Variants in NDUFAF7 observed in about 807,000 individuals in gnomAD.
The protein encoded by NDUFAF7 is NADH:ubiquinone oxidoreductase complex assembly factor 7, also known as protein arginine methyltransferase NDUFAF7, mitochondrial.
In NDUFAF7, 48 loss-of-function variants were observed where a neutral mutation model predicts 47.2. The ratio of observed to expected loss-of-function variants is 1.02; its 90% CI spans 0.81 to 1.29. The LOEUF (loss-of-function observed/expected upper bound fraction) is 1.29, where lower values mean the gene tolerates loss of function less well. Among genes scored for constraint, NDUFAF7 ranks in the 50% most tolerant of loss-of-function variants. The probability of loss-of-function intolerance (pLI) is 0.00; values close to 1 mark genes in which losing one functional copy is unlikely to be tolerated. For synonymous variants in NDUFAF7, 217 were observed against 190.0 expected, an observed-to-expected ratio of 1.14 and a Z score of -1.17; for missense variants, 635 against 537.6, an observed-to-expected ratio of 1.18 and a Z score of -1.79.
chr2:37,243,841 T>G, intron 6 of NDUFAF7, 22 bp from the exon 7 acceptor site: 1 of 1,606,712 alleles, frequency 6.2e-7, no homozygotes, highest in Non-Finnish European at 8.5e-7. Context: ...AAATTTGTTT[T>G]TATGTGTTAT....
At position 37,236,157 on chromosome 2, in the gene NDUFAF7, TA is replaced by T; in HGVS notation, c.280del (p.Ser94ValfsTer8). 1 of 1,611,742 alleles carries T rather than the reference TA, an allele frequency of 6.2e-7. No homozygotes were observed. Among genetic ancestry groups the T allele is most frequent in the Non-Finnish European group, 8.5e-7 (1 of 1,177,914 alleles). On this transcript the variant is annotated frameshift_variant, in exon 3 of 10. Coordinates refer to ENST00000002125, the MANE Select transcript of NDUFAF7 (RefSeq NM_144736.5). LOFTEE classifies it high-confidence loss of function. ...EKGDFITSPE[I>X]SQIFGELLGI... ...GGAGATTTCATTACTTCACCTGAAA[TA>T]AGTCAAATCTTTGGGGAGGTAATAT...
At chr2:37,253,057 C>T (rs78325471), downstream of NDUFAF7, 1,212 of 1,061,196 alleles carry the variant, frequency 1.1e-3, 11 homozygotes, top group African/African-American at 0.016. Flanking sequence ...GTCACTTATT[C>T]GTTATCATAT....
At chr2:37,258,610 T>C in the NDUFAF7 span, among the ~76,000 whole-genome samples, 2 of 152,162 alleles carry the variant, frequency 1.3e-5, no homozygotes, top group Admixed American at 1.3e-4. Context: ...ATTTTGAAGA[T>C]CAAATGAGAT....
chr2:37,265,945 T>C, the NDUFAF7 span, among the ~76,000 whole-genome samples: 2 of 152,190 alleles, frequency 1.3e-5, no homozygotes, highest in African/African-American at 4.8e-5. Flanking sequence ...AAGAAATCAA[T>C]CCATAGGAAT....
chr2:37,260,178 T>G, the NDUFAF7 span: 1 of 1,495,148 alleles, frequency 6.7e-7, no homozygotes, highest in Non-Finnish European at 9.1e-7. Context: ...AAAAAAAAAA[T>G]TAGTTTTTAA....
In NDUFAF7 at chr2:37,248,365, C is replaced by G. The variant is rs1667147657; in HGVS notation, c.*15C>G. ...CTTGGCAGTGATATTTCAGCTTGGA[C>G]ATTTTACCCTTCAGTCGGCCCAAGA... is the stretch of plus-strand genomic sequence containing the variant. On this transcript the variant is annotated 3_prime_UTR_variant, in exon 10 of 10. Transcript: ENST00000002125. 1 of 1,604,436 alleles carries G rather than the reference C, an allele frequency of 6.2e-7. No homozygotes were observed. Among genetic ancestry groups the G allele is most frequent in the Non-Finnish European group, 8.5e-7 (1 of 1,171,222 alleles).
the NDUFAF7 span, among the ~76,000 whole-genome samples, chr2:37,266,865 T>C: frequency 6.6e-6 from 1 of 152,208 alleles, no homozygotes; most frequent in African/African-American, 2.4e-5. Flanking sequence ...TATTATAAAT[T>C]ATTTATATGA....
downstream of NDUFAF7, chr2:37,257,048 A>C: frequency 9.1e-7 from 1 of 1,101,006 alleles, no homozygotes; most frequent in Non-Finnish European, 1.3e-6. Context: ...CTGATTATGA[A>C]TATTAATCAC....
rs1012233422 is a variant in NDUFAF7, at chr2:37,246,455, A to G, written c.936+260A>G. Among the ~76,000 whole-genome samples the G allele has an allele frequency of 1.6e-4, 24 of 152,194 alleles. 1 individual carries two copies. The highest frequency in any genetic ancestry group is 5.5e-4 in the African/African-American group (23 of 41,448). On this transcript the variant is annotated intron_variant, in intron 8 of 9. Transcript: ENST00000002125. ...AACCTATGTTTATATAAATCCAGAT[A>G]AGCAGCTGAATAATACAAATGGAAA...
Position 37,231,718 on chromosome 2 carries a change from C to G in NDUFAF7, c.13C>G (p.Leu5Val). ...TGCGAATTTCAGCATGAGTGTACTG[C>G]TGAGGTCAGGTTTGGGGCCGTTGTG... MSVL[L>V]RSGLGPLCAV... Residue 5 changes from leucine (L) to valine (V), a missense_variant, in exon 1 of 10, where the codon CTG becomes GTG. Coordinates refer to ENST00000002125, the MANE Select transcript of NDUFAF7 (RefSeq NM_144736.5). The G allele has an allele frequency of 6.2e-7, 1 of 1,614,108 alleles. No individual in the cohort carries two copies. Among genetic ancestry groups the G allele is most frequent in the East Asian group, 2.2e-5 (1 of 44,900 alleles).
At position 37,248,464 on chromosome 2, in the gene NDUFAF7, G is replaced by C; in HGVS notation, c.*114G>C. ...AAAGTATTTTATCTTTTCACAGCAA[G>C]AACAGTCCATGTTGTATATAATACA... On this transcript the variant is annotated 3_prime_UTR_variant, in exon 10 of 10. Coordinates refer to ENST00000002125, the MANE Select transcript of NDUFAF7 (RefSeq NM_144736.5). 2 of 1,044,244 alleles carry C rather than the reference G, an allele frequency of 1.9e-6. No individual in the cohort carries two copies. Among genetic ancestry groups the C allele is most frequent in the South Asian group, 1.3e-5 (1 of 77,004 alleles). The allele number at this position is 1,044,244 out of a possible 1,614,324, so 64.7% of individuals were successfully genotyped here.
chr2:37,252,841 T>TATATATATATATA (rs1553362954), downstream of NDUFAF7: 1 of 80,508 alleles, frequency 1.2e-5, no homozygotes. Flanking sequence ...AAACATATAT[T>TATATATATATATA]TATATTTATA....
downstream of NDUFAF7, chr2:37,256,628 ATTTTTTTTTTT>A (rs56389006): frequency 8.5e-4 from 1,021 of 1,201,170 alleles, 2 homozygotes; most frequent in East Asian, 2.0e-3. Flanking sequence ...CATAGCCAAA[ATTTTTTTTTTT>A]TTTTTTTTTT....
At chr2:37,266,936 G>A in the NDUFAF7 span, among the ~76,000 whole-genome samples, 3,452 of 152,220 alleles carry the variant, frequency 0.023, 59 homozygotes, top group South Asian at 0.041. Flanking sequence ...CCGCCCCCAA[G>A]GGGTAAAAAT....
the NDUFAF7 span, among the ~76,000 whole-genome samples, chr2:37,262,990 C>A: frequency 6.6e-6 from 1 of 151,264 alleles, no homozygotes; most frequent in Non-Finnish European, 1.5e-5. Context: ...CTCCTCCCTT[C>A]CCCCACACAG....
In NDUFAF7 at chr2:37,237,766, A is replaced by T. The variant is rs748223046; in HGVS notation, c.307A>T (p.Ile103Leu). Residue 103 changes from isoleucine to leucine, a missense_variant, in exon 4 of 10, where the codon ATA (isoleucine) becomes TTA (leucine). Transcript: ENST00000002125. ...ISQIFGELLG[I>L]WFISEWMATG... ...TTTTCCCTTTTCACAGCTACTAGGT[A>T]TATGGTTCATTAGTGAATGGATGGC... 3 of 1,603,694 alleles carry T rather than the reference A, an allele frequency of 1.9e-6. No individual in the cohort carries two copies. The highest frequency in any genetic ancestry group is 2.6e-6 in the Non-Finnish European group (3 of 1,170,866).
At chr2:37,233,181 G>T (rs1043856892) in intron 2 of NDUFAF7, among the ~76,000 whole-genome samples, 2 of 152,188 alleles carry the variant, frequency 1.3e-5, no homozygotes, top group African/African-American at 4.8e-5. Context: ...TGAGCAGTTG[G>T]GTGATGATGG....
At chr2:37,245,916 G>A in intron 7 of NDUFAF7, 136 bp from the exon 8 acceptor site, 1 of 961,184 alleles carries the variant, frequency 1.0e-6, no homozygotes, top group Non-Finnish European at 1.6e-6. Flanking sequence ...AAAGTTGAGT[G>A]TAGAGAACAT....
downstream of NDUFAF7, among the ~76,000 whole-genome samples, chr2:37,249,312 A>T (rs1489663942): frequency 2.6e-5 from 4 of 152,136 alleles, no homozygotes; most frequent in Admixed American, 1.3e-4. Flanking sequence ...TGCATTTTTT[A>T]AAAAATTATG....
Sources: gnomAD v4.1 joint callset for allele counts (sites outside exome capture counted in the v4.1 genomes callset) on GRCh38, gnomAD v4.1.1 for gene constraint, MANE v1.5 for transcripts, NCBI Gene and HGNC (gene_info 2026-07-23, HGNC 2026-07-21) for gene names.